LARP7: variants seen among roughly 807,000 people sequenced by gnomAD.
LARP7 encodes la-related protein 7.
A neutral mutation model predicts 69.3 loss-of-function variants in LARP7; 52 were observed. The ratio of observed to expected loss-of-function variants is 0.75; its 90% CI spans 0.60 to 0.95. The LOEUF is 0.95. LARP7 is among the 40% of genes least tolerant of loss of function. The pLI is 0.00. For synonymous variants in LARP7, 254 were observed against 215.9 expected (o/e 1.18, Z -1.55); for missense variants, 733 against 673.0 (o/e 1.09, Z -0.99).
At chr4:112,639,742 C>T (rs2047884386) in intron 1 of LARP7, among the ~76,000 whole-genome samples, 1 of 151,946 alleles carries the variant, frequency 6.6e-6, no homozygotes. Context: ...ACAGTTGTAG[C>T]AGTAGTTGTA....
At chr4:112,650,604 G>A (rs1025662594) in intron 10 of LARP7, 22 bp downstream of exon 10, 2 of 1,601,964 alleles carry the variant, frequency 1.2e-6, no homozygotes, top group Non-Finnish European at 1.7e-6. Flanking sequence ...GAGCCCCTAG[G>A]GTATTTGTTC....
intron 1 of LARP7, chr4:112,644,403 G>T: frequency 1.2e-6 from 1 of 869,242 alleles, no homozygotes; most frequent in Non-Finnish European, 1.6e-6. Context: ...AGATAAAGGT[G>T]TAATTTTTTA....
intron 8 of LARP7, chr4:112,648,323 AAAAAAATTTTGTAAC>A (rs755262015): frequency 1.3e-5 from 7 of 528,476 alleles, no homozygotes; most frequent in Non-Finnish European, 2.7e-5. Flanking sequence ...ACACAATAAC[AAAAAAATTTTGTAAC>A]AAAAGGTGTG....
At chr4:112,647,915 A>T in intron 8 of LARP7, 81 bp downstream of exon 8, 4 of 1,018,580 alleles carry the variant, frequency 3.9e-6, no homozygotes, top group Non-Finnish European at 6.2e-6. Flanking sequence ...TATATTCAAC[A>T]GAGTTGCATA....
In LARP7 at chr4:112,646,333, CTT is replaced by C. The variant is rs763818293; in HGVS notation, c.203-14_203-13del. On this transcript the variant is annotated splice_polypyrimidine_tract_variant and intron_variant, in intron 2 of 12. Coordinates refer to ENST00000344442, the MANE Select transcript of LARP7 (RefSeq NM_016648.4). ...TCCTGCTGATACACTAACATATTAA[CTT>C]TTTCATTTTCTTTAGATGTTGATAT... 2.2e-5 allele frequency: 28 copies of C among 1,250,618 alleles called. No homozygotes were observed. 77.5% of individuals were successfully genotyped at this position (1,250,618 alleles called of 1,614,324 possible). A position where few individuals can be genotyped will look rare whatever the true frequency, so the allele number is the denominator to read the frequency against.
At chr4:112,642,302 T>G (rs1327722103) in intron 1 of LARP7, among the ~76,000 whole-genome samples, 1 of 152,212 alleles carries the variant, frequency 6.6e-6, no homozygotes. Context: ...TATTATTAAT[T>G]CTGACCTATA....
In LARP7 at chr4:112,646,606, A is replaced by G. The variant is rs374971073; in HGVS notation, c.322A>G (p.Arg108Gly). The change falls in exon 4 of 13, where the codon AGA becomes GGA. Residue 108 changes from arginine to glycine, a missense_variant. Arg to Gly is a moderately radical substitution (Grantham distance 125). Coordinates refer to ENST00000344442, the MANE Select transcript of LARP7 (RefSeq NM_016648.4). ...TTTAAAGCTTGATTTGGAAGGCACC[A>G]GAATCCGGAGGAAAAAACCTCTGGG... ...AVVELDLEGT[R>G]IRRKKPLGER... 6.3e-7 allele frequency: 1 copy of G among 1,596,392 alleles called. No homozygotes were observed. Among genetic ancestry groups the G allele is most frequent in the Non-Finnish European group, 8.5e-7 (1 of 1,170,194 alleles).
intron 7 of LARP7, 47 bp from the exon 8 acceptor site, chr4:112,647,643 T>C: frequency 6.8e-7 from 1 of 1,471,072 alleles, no homozygotes; most frequent in South Asian, 1.5e-5. Context: ...GTTTCACCCA[T>C]TTCACAGCCC....
chr4:112,655,886 G>C (rs2149289482), intron 12 of LARP7, among the ~76,000 whole-genome samples: 1 of 152,236 alleles, frequency 6.6e-6, no homozygotes, highest in East Asian at 1.9e-4. Context: ...AAAATGCAGA[G>C]ACCGGAAGGG....
At chr4:112,650,642 G>A (rs958985915) in intron 10 of LARP7, 60 bp downstream of exon 10, 19 of 1,517,626 alleles carry the variant, frequency 1.3e-5, no homozygotes, top group Non-Finnish European at 1.4e-5. Flanking sequence ...TTCCCTGTGT[G>A]AAAATGTTTT....
At chr4:112,648,917 T>G (rs186347737) in intron 8 of LARP7, among the ~76,000 whole-genome samples, 121 of 148,960 alleles carry the variant, frequency 8.1e-4, no homozygotes, top group African/African-American at 2.3e-3. Context: ...ACAAGATATC[T>G]TCCTCTTAAA....
chr4:112,648,361 C>CA lies in LARP7; in HGVS notation c.1142+528dup, dbSNP rs1560939571. 5.6e-6 allele frequency: 3 copies of CA among 534,570 alleles called. No individual in the cohort carries two copies. The Admixed American group carries it at 5.8e-5, about 10-fold the overall frequency. 33.1% of individuals were successfully genotyped at this position (534,570 alleles called of 1,614,324 possible). On this transcript the variant is annotated intron_variant, in intron 8 of 12. Transcript: ENST00000344442. ...AACAAAAGGTGTGCTGGCTTGGAGA[C>CA]ACCTCCACTGAAACATGGAAGCACT...
intron 10 of LARP7, among the ~76,000 whole-genome samples, chr4:112,651,533 T>C (rs867125561): frequency 2.0e-5 from 3 of 152,334 alleles, no homozygotes; most frequent in Middle Eastern, 6.8e-3. Flanking sequence ...CAAAAATTGC[T>C]CAGAGTTATT....
chr4:112,649,723 T>A, intron 9 of LARP7, 37 bp downstream of exon 9: 1 of 1,370,930 alleles, frequency 7.3e-7, no homozygotes, highest in Non-Finnish European at 9.9e-7. Flanking sequence ...CATTATAATG[T>A]ACTTATATAT....
intron 11 of LARP7, 143 bp downstream of exon 11, chr4:112,653,379 A>C: frequency 2.0e-6 from 1 of 504,752 alleles, no homozygotes. Flanking sequence ...GTGTGATCTC[A>C]GCTCACCGCA....
intron 9 of LARP7, among the ~76,000 whole-genome samples, chr4:112,650,239 A>T (rs1006704677): frequency 7.9e-5 from 12 of 152,224 alleles, no homozygotes; most frequent in African/African-American, 2.4e-4. Context: ...CTCTTCTAGC[A>T]GTAACAATTT....
rs558605785 is a variant in LARP7, at chr4:112,654,516, A to G, written c.1668+357A>G. 14 of 170,680 alleles carry G rather than the reference A, an allele frequency of 8.2e-5. No homozygotes were observed. The East Asian group carries it at 2.2e-3, about 26-fold the overall frequency. 10.6% of individuals were successfully genotyped at this position (170,680 alleles called of 1,614,324 possible). Reference sequence around the variant, plus strand: ...ACACAATGTATTCAGAATGTAGTTTATAAAGATAGGAGGCTCCATAGATAA... The same window carrying G: ...ACACAATGTATTCAGAATGTAGTTTGTAAAGATAGGAGGCTCCATAGATAA... On this transcript the variant is annotated intron_variant, in intron 12 of 12. Transcript: ENST00000344442.
At chr4:112,644,356 C>A in intron 1 of LARP7, 2 of 442,464 alleles carry the variant, frequency 4.5e-6, no homozygotes, top group Non-Finnish European at 7.1e-6. Flanking sequence ...CTTAATCTTA[C>A]ACTTTTCACT....
chr4:112,648,049 G>A (rs963244160), intron 8 of LARP7: 7 of 646,282 alleles, frequency 1.1e-5, no homozygotes, highest in South Asian at 2.8e-5. Flanking sequence ...GTCACAGCAA[G>A]TGCCTCCATG....
Sources: gnomAD v4.1 joint callset for allele counts (sites outside exome capture counted in the v4.1 genomes callset) on GRCh38, gnomAD v4.1.1 for gene constraint, MANE v1.5 for transcripts, NCBI Gene and HGNC (gene_info 2026-07-23, HGNC 2026-07-21) for gene names.